The following PCDHA11 variants were observed in gnomAD, a reference collection of about 807,000 sequenced individuals.
PCDHA11 encodes the protein protocadherin alpha 11.
PCDHA11 carries 61 observed loss-of-function variants against 70.3 expected under a neutral mutation model. The observed-to-expected ratio is 0.87, with a 90% CI of 0.71 to 1.07. The LOEUF (loss-of-function observed/expected upper bound fraction) is 1.07. Ranked by LOEUF, PCDHA11 falls within the 50% of genes least tolerant of loss-of-function variation. The pLI is 0.00. For missense variants in PCDHA11, 1,324 were observed against 1,237.5 expected (o/e 1.07, Z -1.05); for synonymous variants, 633 against 555.1 (o/e 1.14, Z -1.97).
chr5:140,951,548 G>A (rs1314618918), intron 1 of PCDHA11, among the ~76,000 whole-genome samples: 1 of 151,910 alleles, frequency 6.6e-6, no homozygotes, highest in African/African-American at 2.4e-5. Flanking sequence ...AGGGACGGGG[G>A]GAAGTGCTAC....
intron 2 of PCDHA11, among the ~76,000 whole-genome samples, chr5:140,981,637 C>A (rs1229068909): frequency 6.6e-6 from 1 of 152,150 alleles, no homozygotes; most frequent in Non-Finnish European, 1.5e-5. Context: ...TGGACATTTT[C>A]TCTTAGGATC....
At chr5:140,876,907 G>A (rs782597420) in intron 1 of PCDHA11, 1 of 1,614,022 alleles carries the variant, frequency 6.2e-7, no homozygotes, top group Admixed American at 1.7e-5. Flanking sequence ...CACGGTGTCG[G>A]CATGGGACGC....
At chr5:140,946,516 C>T (rs551838143) in intron 1 of PCDHA11, among the ~76,000 whole-genome samples, 42 of 151,130 alleles carry the variant, frequency 2.8e-4, no homozygotes, top group African/African-American at 8.3e-4. Flanking sequence ...AAGACCTATC[C>T]GCACTCCCAT....
At chr5:140,883,162 C>A (rs782797002) in intron 1 of PCDHA11, 8 of 1,613,690 alleles carry the variant, frequency 5.0e-6, no homozygotes, top group Non-Finnish European at 5.1e-6. Context: ...TAAATCCGAA[C>A]AATGGAGAAA....
At chr5:140,984,965 T>G (rs2097128606) in intron 3 of PCDHA11, among the ~76,000 whole-genome samples, 1 of 151,666 alleles carries the variant, frequency 6.6e-6, no homozygotes, top group Non-Finnish European at 1.5e-5. Context: ...TGAGACAGAG[T>G]CTCGCTCTGT....
At chr5:140,934,365 A>T (rs2089794268) in intron 1 of PCDHA11, among the ~76,000 whole-genome samples, 1 of 151,884 alleles carries the variant, frequency 6.6e-6, no homozygotes, top group Non-Finnish European at 1.5e-5. Context: ...CACTGCTTTG[A>T]CTCCTTCTGT....
At chr5:140,996,650 G>A (rs943173536) in intron 3 of PCDHA11, among the ~76,000 whole-genome samples, 2 of 152,042 alleles carry the variant, frequency 1.3e-5, no homozygotes, top group Non-Finnish European at 2.9e-5. Context: ...GTTAATCCTG[G>A]GTGCAGGCTA....
At chr5:140,969,304 C>CA in intron 1 of PCDHA11, 3 of 1,614,160 alleles carry the variant, frequency 1.9e-6, no homozygotes, top group Non-Finnish European at 2.5e-6. Flanking sequence ...TGATTATTCT[C>CA]AAAAATGAGG....
rs371069140 is a variant in PCDHA11, at chr5:141,011,291, A to G, written c.*1354A>G. ...CTCTTTGGTTTAGTTTTCCTTTTCT[A>G]TAACACTCTGAATTGCTAATCTTAC... is the stretch of plus-strand genomic sequence containing the variant. On this transcript the variant is annotated 3_prime_UTR_variant, in exon 4 of 4. Coordinates refer to ENST00000398640, the MANE Select transcript of PCDHA11 (RefSeq NM_018902.5). 6 of 153,852 alleles carry G rather than the reference A, an allele frequency of 3.9e-5. No homozygotes were observed. The highest frequency in any genetic ancestry group is 8.8e-5 in the Non-Finnish European group (6 of 68,024). 9.5% of individuals were successfully genotyped at this position (153,852 alleles called of 1,614,324 possible).
rs150360427 is a variant in PCDHA11 at position 140,892,912 on chromosome 5, T to C, written c.2391+21418T>C. Among the ~76,000 whole-genome samples, 3 of 152,298 alleles carry C rather than the reference T, an allele frequency of 2.0e-5. No homozygotes were observed. In the East Asian group the frequency reaches 5.8e-4, roughly 29 times the overall value. Reference sequence around the variant, plus strand: ...CAACCTTTCCCCATCCTCCTTTTCCTTCACCCTTCCCAGCCTCTGATAAGC... The same window carrying C: ...CAACCTTTCCCCATCCTCCTTTTCCCTCACCCTTCCCAGCCTCTGATAAGC... On this transcript the variant is annotated intron_variant, in intron 1 of 3. Coordinates refer to ENST00000398640, the MANE Select transcript of PCDHA11 (RefSeq NM_018902.5).
intron 1 of PCDHA11, chr5:140,875,547 G>C (rs558501431): frequency 1.2e-6 from 2 of 1,614,152 alleles, no homozygotes; most frequent in Admixed American, 1.7e-5. Context: ...CAGCCTGGGA[G>C]GTGGGGAGCG....
At chr5:140,952,111 G>A (rs1040553968) in intron 1 of PCDHA11, among the ~76,000 whole-genome samples, 1 of 152,086 alleles carries the variant, frequency 6.6e-6, no homozygotes, top group Non-Finnish European at 1.5e-5. Context: ...ACTCGTGTGA[G>A]GGATGGGCTC....
chr5:140,875,564 T>C (rs1327477761), intron 1 of PCDHA11: 1 of 1,614,048 alleles, frequency 6.2e-7, no homozygotes, highest in African/African-American at 1.3e-5. Flanking sequence ...AGCGGCCAGC[T>C]CCACTACTCC....
intron 1 of PCDHA11, among the ~76,000 whole-genome samples, chr5:140,923,613 G>GT (rs2081443569): frequency 6.6e-6 from 1 of 152,146 alleles, no homozygotes; most frequent in South Asian, 2.1e-4. Context: ...TGTTTATCTG[G>GT]TCATCTTATC....
chr5:140,968,077 C>A lies in PCDHA11; in HGVS notation c.2392-10872C>A, dbSNP rs1274008262. 2.5e-6 allele frequency: 4 copies of A among 1,614,020 alleles called. No homozygotes were observed. In the African/African-American group the frequency reaches 4.0e-5, roughly 16 times the overall value. On this transcript the variant is annotated intron_variant, in intron 1 of 3. Coordinates refer to ENST00000398640, the MANE Select transcript of PCDHA11 (RefSeq NM_018902.5). ...GAGAGCGGGTGGCTGTCTACAACAT[C>A]ACGGTGACAGCCACAGATGGGGGAA...
At chr5:140,989,462 G>A (rs531421005) in intron 3 of PCDHA11, among the ~76,000 whole-genome samples, 27 of 152,326 alleles carry the variant, frequency 1.8e-4, no homozygotes, top group Non-Finnish European at 2.9e-4. Context: ...GTTAGGCTTG[G>A]AACTCCTCCT....
At chr5:140,927,627 T>A (rs145171269) in intron 1 of PCDHA11, 5 of 1,614,062 alleles carry the variant, frequency 3.1e-6, no homozygotes, top group Non-Finnish European at 3.4e-6. Flanking sequence ...TTCCAGAGAC[T>A]GCACCCAATG....
chr5:140,897,435 A>G (rs1382805623), intron 1 of PCDHA11, among the ~76,000 whole-genome samples: 1 of 147,702 alleles, frequency 6.8e-6, no homozygotes, highest in Non-Finnish European at 1.5e-5. Flanking sequence ...GAGAACATGC[A>G]GTGTTTGGTT....
intron 1 of PCDHA11, among the ~76,000 whole-genome samples, chr5:140,961,121 T>A (rs551567804): frequency 6.6e-6 from 1 of 152,330 alleles, no homozygotes; most frequent in African/African-American, 2.4e-5. Context: ...TGCATCTTAA[T>A]GTCTTGGCAC....
Sources: gnomAD v4.1 joint callset for allele counts (sites outside exome capture counted in the v4.1 genomes callset) on GRCh38, gnomAD v4.1.1 for gene constraint, MANE v1.5 for transcripts, NCBI Gene and HGNC (gene_info 2026-07-23, HGNC 2026-07-21) for gene names.